The following ZNF248 variants were observed in gnomAD, a reference collection of about 807,000 sequenced individuals.
ZNF248 encodes zinc finger protein 248.
In ZNF248, 20 loss-of-function variants were observed where a neutral mutation model predicts 44.3. The observed-to-expected ratio is 0.45, with a 90% CI of 0.32 to 0.66. The LOEUF is 0.66. Ranked by LOEUF, ZNF248 falls within the 30% of genes least tolerant of loss-of-function variation. The pLI is 0.04. For synonymous variants in ZNF248, 224 were observed against 229.0 expected (o/e 0.98, Z 0.20); for missense variants, 654 against 677.0 (o/e 0.97, Z 0.38).
the ZNF248 span, among the ~76,000 whole-genome samples, chr10:37,771,103 A>G: frequency 6.6e-6 from 1 of 152,248 alleles, no homozygotes; most frequent in East Asian, 1.9e-4. Context: ...AATGGCGATC[A>G]TTAAAAAGTC....
At chr10:37,785,012 G>A (rs1296714396) in intron 6 of ZNF248, among the ~76,000 whole-genome samples, 1 of 152,150 alleles carries the variant, frequency 6.6e-6, no homozygotes, top group Non-Finnish European at 1.5e-5. Flanking sequence ...TTTATACATG[G>A]GGAAAACACC....
intron 4 of ZNF248, 29 bp from the exon 5 acceptor site, chr10:37,837,741 A>G: frequency 6.3e-7 from 1 of 1,596,524 alleles, no homozygotes; most frequent in Non-Finnish European, 8.6e-7. Context: ...ACAGGACTAG[A>G]GCTAAATAGC....
chr10:37,843,423 CAAAAA>C (rs530114229), intron 3 of ZNF248, among the ~76,000 whole-genome samples: 1 of 69,328 alleles, frequency 1.4e-5, no homozygotes. Context: ...GACTCTGCCT[CAAAAA>C]AAAAAAAAAA....
intron 6 of ZNF248, among the ~76,000 whole-genome samples, chr10:37,815,075 CT>C (rs1218744672): frequency 2.0e-5 from 3 of 150,918 alleles, no homozygotes; most frequent in Admixed American, 6.6e-5. Flanking sequence ...TTTTTTCAGA[CT>C]TTTTTTTTGA....
chr10:37,767,809 C>T, the ZNF248 span, among the ~76,000 whole-genome samples: 5 of 152,098 alleles, frequency 3.3e-5, no homozygotes, highest in Non-Finnish European at 7.4e-5. Context: ...CTAAATGCTC[C>T]AATTAAAAGA....
At chr10:37,851,279 G>A (rs901586249) in intron 3 of ZNF248, among the ~76,000 whole-genome samples, 2 of 152,126 alleles carry the variant, frequency 1.3e-5, no homozygotes, top group Non-Finnish European at 2.9e-5. Context: ...CATCTATCAA[G>A]GAGAACAAAG....
chr10:37,839,789 A>G (rs1461540590), intron 3 of ZNF248, among the ~76,000 whole-genome samples: 1 of 152,186 alleles, frequency 6.6e-6, no homozygotes, highest in Non-Finnish European at 1.5e-5. Context: ...GTAGGTACAT[A>G]TATGACCCAA....
Position 37,831,785 on chromosome 10 carries a change from C to T in ZNF248, c.1570G>A (p.Glu524Lys), listed in dbSNP as rs893615584. ...TTTTCACAGAAGGTTTTCCCACATT[C>T]ATTACACTTATATGGTTTCTCCCCA... ...HTGEKPYKCNECGKTFCEKSA... is the reference protein window; with the variant it reads ...HTGEKPYKCNKCGKTFCEKSA... Residue 524 changes from glutamate to lysine, a missense_variant, in exon 6 of 6, where the codon GAA becomes AAA. Physicochemically the swap from Glu to Lys is moderately conservative, Grantham distance 56. Transcript: ENST00000395867. 6.2e-7 allele frequency: 1 copy of T among 1,612,804 alleles called. No individual in the cohort carries two copies. Among genetic ancestry groups the T allele is most frequent in the Non-Finnish European group, 8.5e-7 (1 of 1,179,184 alleles).
chr10:37,825,690 G>A (rs1208720), downstream of ZNF248, among the ~76,000 whole-genome samples: 9,118 of 151,912 alleles, frequency 0.06, 352 homozygotes, highest in Middle Eastern at 0.095. Context: ...TTCTTCCCAC[G>A]TCGGCCTCCC....
intron 3 of ZNF248, among the ~76,000 whole-genome samples, chr10:37,839,673 A>G (rs1283272806): frequency 6.6e-6 from 1 of 152,204 alleles, no homozygotes; most frequent in African/African-American, 2.4e-5. Flanking sequence ...ATCAAAATAC[A>G]TAAGGCAAAA....
chr10:37,800,558 T>A (rs763712281), intron 6 of ZNF248, among the ~76,000 whole-genome samples: 24 of 152,222 alleles, frequency 1.6e-4, no homozygotes, highest in Non-Finnish European at 2.8e-4. Context: ...TTTGCTATTG[T>A]GAATAGTGCT....
In ZNF248 at chr10:37,831,521, T is replaced by C. The variant is rs538976569; in HGVS notation, c.*94A>G. 1.5e-5 allele frequency: 23 copies of C among 1,496,018 alleles called. No individual in the cohort carries two copies. The highest frequency in any genetic ancestry group is 2.0e-4 in the Middle Eastern group (1 of 4,980). 92.7% of individuals were successfully genotyped at this position (1,496,018 alleles called of 1,614,324 possible). On this transcript the variant is annotated 3_prime_UTR_variant, in exon 6 of 6. Coordinates refer to ENST00000395867, the MANE Select transcript of ZNF248 (RefSeq NM_021045.3). ...TTTTACATATTCAAACAAGAAGTCA[T>C]TTTCTACAAATTTCTGACATTCTTT...
At chr10:37,808,339 G>A (rs971753365) in intron 6 of ZNF248, among the ~76,000 whole-genome samples, 7 of 150,854 alleles carry the variant, frequency 4.6e-5, no homozygotes, top group African/African-American at 1.7e-4. Context: ...GTGGAGTGCA[G>A]GGATGTGATC....
At position 37,832,897 on chromosome 10, in the gene ZNF248, A is replaced by G. The variant is rs2056206006; in HGVS notation, c.458T>C (p.Leu153Ser). The change falls in exon 6 of 6, where the codon TTA (leucine) becomes TCA (serine). Residue 153 changes from leucine to serine, a missense_variant. By Grantham distance (145) the Leu-to-Ser change is moderately radical. Transcript: ENST00000395867. ...CEMNLKNISG[L>S]IISKKNCSRK... Reference sequence around the variant, plus strand: ...GGAACAGTTCTTTTTACTAATAATTAAGCCCGAAATATTTTTCAAATTCAT... The same window carrying G: ...GGAACAGTTCTTTTTACTAATAATTGAGCCCGAAATATTTTTCAAATTCAT... 1.2e-6 allele frequency: 2 copies of G among 1,613,236 alleles called. No homozygotes were observed. Among genetic ancestry groups the G allele is most frequent in the Non-Finnish European group, 1.7e-6 (2 of 1,179,696 alleles).
the ZNF248 span, among the ~76,000 whole-genome samples, chr10:37,766,765 C>T: frequency 0.056 from 8,476 of 152,252 alleles, 290 homozygotes; most frequent in Middle Eastern, 0.095. Context: ...CGGAAGAAAG[C>T]TGGATGGAGA....
At chr10:37,809,117 T>C (rs1286040305) in intron 6 of ZNF248, among the ~76,000 whole-genome samples, 1 of 152,210 alleles carries the variant, frequency 6.6e-6, no homozygotes, top group African/African-American at 2.4e-5. Flanking sequence ...GTCATTTTCT[T>C]AGTCTAGTTA....
chr10:37,766,829 C>T, the ZNF248 span, among the ~76,000 whole-genome samples: 1 of 152,060 alleles, frequency 6.6e-6, no homozygotes, highest in Non-Finnish European at 1.5e-5. Flanking sequence ...TTACTCCGAG[C>T]TACAGGAGGA....
At chr10:37,772,465 A>G (rs1414389602), downstream of ZNF248, among the ~76,000 whole-genome samples, 3 of 152,182 alleles carry the variant, frequency 2.0e-5, no homozygotes, top group East Asian at 1.9e-4. Flanking sequence ...AAACACCTGA[A>G]GGACTATCAG....
intron 6 of ZNF248, among the ~76,000 whole-genome samples, chr10:37,784,391 T>C (rs2047650200): frequency 6.6e-6 from 1 of 152,200 alleles, no homozygotes; most frequent in African/African-American, 2.4e-5. Flanking sequence ...GCCTTCACGC[T>C]GTCTCCTGGA....
Sources: allele counts gnomAD v4.1 joint callset (sites outside exome capture counted in the v4.1 genomes callset), GRCh38; gene constraint gnomAD v4.1.1; transcripts MANE v1.5; gene names NCBI Gene and HGNC (gene_info 2026-07-23, HGNC 2026-07-21).